Variants in RYR1 observed in about 807,000 individuals in gnomAD.
RYR1 encodes ryanodine receptor 1.
Under a neutral mutation model 583.5 loss-of-function variants are expected in RYR1, and 342 were observed. That is an observed-to-expected ratio of 0.59 (90% CI 0.54 to 0.64). The LOEUF (loss-of-function observed/expected upper bound fraction) is 0.64. RYR1 is among the 30% of genes least tolerant of loss of function. RYR1 has a pLI of 0.00. For missense variants in RYR1, 6,032 were observed against 6,917.2 expected (o/e 0.87, Z 4.54); for synonymous variants, 2,791 against 2,822.5 (o/e 0.99, Z 0.35).
rs370389315 is a variant in RYR1 at position 38,461,573 on chromosome 19, A to G, written c.2577+982A>G. 6.6e-4 allele frequency among the ~76,000 whole-genome samples: 101 copies of G among 152,108 alleles called. 1 individual carries two copies. The South Asian group carries it at 0.019, about 28-fold the overall frequency. ...CAAGACCCCATCTCTACTAAAAATTAAAAGTTAGCTGAGGTGATGGTCCAC... is the reference window on the plus strand; with the variant it reads ...CAAGACCCCATCTCTACTAAAAATTGAAAGTTAGCTGAGGTGATGGTCCAC... On this transcript the variant is annotated intron_variant, in intron 20 of 105. Coordinates refer to ENST00000359596, the MANE Select transcript of RYR1 (RefSeq NM_000540.3).
At position 38,469,310 on chromosome 19, in the gene RYR1, C is replaced by A. The variant is rs868455902; in HGVS notation, c.3562C>A (p.Leu1188Met). Residue 1188 changes from leucine (L) to methionine (M), a missense_variant, in exon 27 of 106, where the codon CTG (leucine) becomes ATG (methionine). Coordinates refer to ENST00000359596, the MANE Select transcript of RYR1 (RefSeq NM_000540.3). ...FREIEIGDGF[L>M]PVCSLGPGQV... ...CATCCATCCCCTCCCACCAGGCTTC[C>A]TGCCCGTCTGCAGCTTGGGACCTGG... is the stretch of plus-strand genomic sequence containing the variant. The A allele has an allele frequency of 6.2e-7, 1 of 1,613,784 alleles. No individual in the cohort carries two copies. Among genetic ancestry groups the A allele is most frequent in the African/African-American group, 1.3e-5 (1 of 74,932 alleles).
Position 38,455,539 on chromosome 19 carries a change from C to T in RYR1, c.1665C>T (p.Ala555=). The part of the protein sequence containing the change: ...WLVSKLDRLE[A]SSGILEVLYC... ...TCAGCAAGCTGGATCGGCTGGAGGCCTCGTCTGGTAGGAGAACCCGGGGGA... is the reference window on the plus strand; with the variant it reads ...TCAGCAAGCTGGATCGGCTGGAGGCTTCGTCTGGTAGGAGAACCCGGGGGA... The change falls in exon 15 of 106, where the codon GCC becomes GCT. Residue 555 remains alanine (A), a synonymous_variant. Coordinates refer to ENST00000359596, the MANE Select transcript of RYR1 (RefSeq NM_000540.3). 6.2e-7 allele frequency: 1 copy of T among 1,614,024 alleles called. No individual in the cohort carries two copies. Among genetic ancestry groups the T allele is most frequent in the Non-Finnish European group, 8.5e-7 (1 of 1,179,992 alleles).
intron 89 of RYR1, among the ~76,000 whole-genome samples, chr19:38,553,685 C>T (rs535895878): frequency 6.6e-6 from 1 of 152,176 alleles, no homozygotes; most frequent in South Asian, 2.1e-4. Context: ...TACAGCAAGG[C>T]GTGAAGTGAG....
Position 38,543,647 on chromosome 19 carries a change from C to A in RYR1, c.11894C>A (p.Thr3965Asn), listed in dbSNP as rs1239411531. Reference protein sequence around the residue: ...SVAKQVFNSLTEYIQGPCTGN... With the variant: ...SVAKQVFNSLNEYIQGPCTGN... The stretch of plus-strand genomic sequence containing the variant: ...GCTAAGCAGGTGTTCAACAGCCTCA[C>A]TGAGTACATCCAGGTAGGGCGCTCC... The change falls in exon 86 of 106, where the codon ACT (threonine) becomes AAT (asparagine). Residue 3965 changes from threonine (T) to asparagine (N), a missense_variant. Around this residue, in one of 11 missense-constraint regions of RYR1, gnomAD observed 82 missense variants for 139.7 expected, o/e 0.59. Transcript: ENST00000359596. The surrounding 1 kb of genome is among the most constrained non-coding windows in gnomAD (Gnocchi z 4.4). 1 of 1,613,910 alleles carries A rather than the reference C, an allele frequency of 6.2e-7. No individual in the cohort carries two copies. Among genetic ancestry groups the A allele is most frequent in the Non-Finnish European group, 8.5e-7 (1 of 1,180,052 alleles).
At chr19:38,545,165 TTGAC>T (rs1193015101) in intron 87 of RYR1, among the ~76,000 whole-genome samples, 4 of 152,152 alleles carry the variant, frequency 2.6e-5, no homozygotes, top group East Asian at 3.9e-4. Context: ...AAAGAAAGCT[TTGAC>T]TGACCAGGCC....
rs563389271 is a variant in RYR1 at position 38,496,111 on chromosome 19, G to A, written c.6549-104G>A. ...AGATCTGTAAAGGCGGTGGTGCTAG[G>A]CACAGAGTGAGAGGGTCAAGAATGC... On this transcript the variant is annotated intron_variant, in intron 39 of 105. Coordinates refer to ENST00000359596, the MANE Select transcript of RYR1 (RefSeq NM_000540.3). The surrounding 1 kb of genome is among the most constrained non-coding windows in gnomAD (Gnocchi z 4.8). 70 of 944,162 alleles carry A rather than the reference G, an allele frequency of 7.4e-5. No individual in the cohort carries two copies. Among genetic ancestry groups the A allele is most frequent in the Admixed American group, 1.3e-4 (7 of 54,610 alleles). The allele number at this position is 944,162 out of a possible 1,614,324, so 58.5% of individuals were successfully genotyped here.
chr19:38,582,524 G>A (rs1389840435), intron 101 of RYR1, among the ~76,000 whole-genome samples: 4 of 151,998 alleles, frequency 2.6e-5, no homozygotes, highest in African/African-American at 4.8e-5. Flanking sequence ...AGTGACTCAC[G>A]CCTGTAATCC....
At position 38,565,162 on chromosome 19, in the gene RYR1, G is replaced by A; in HGVS notation, c.12828G>A (p.Glu4276=). ...CGGAGGCGGGCGCGGAAGGCGCGGA[G>A]GAGGGCGCGGCGGGGCTCGAGGGCA... ...GAAEAGAEGA[E]EGAAGLEGTA... Residue 4276 remains glutamate (E), a synonymous_variant, in exon 91 of 106, where the codon GAG becomes GAA. Coordinates refer to ENST00000359596, the MANE Select transcript of RYR1 (RefSeq NM_000540.3). The surrounding 1 kb of genome is among the most constrained non-coding windows in gnomAD (Gnocchi z 4.7). The A allele has an allele frequency of 6.8e-7, 1 of 1,471,948 alleles. No individual in the cohort carries two copies. The highest frequency in any genetic ancestry group is 2.4e-4 in the Middle Eastern group (1 of 4,140). The allele number at this position is 1,471,948 out of a possible 1,614,324, so 91.2% of individuals were successfully genotyped here.
At chr19:38,578,662 G>T (rs960621390) in intron 99 of RYR1, among the ~76,000 whole-genome samples, 1 of 151,948 alleles carries the variant, frequency 6.6e-6, no homozygotes, top group Non-Finnish European at 1.5e-5. Flanking sequence ...ATGGCAGCAG[G>T]TGCCTGTAAT....
intron 42 of RYR1, among the ~76,000 whole-genome samples, chr19:38,497,586 G>A (rs1408730323): frequency 1.3e-5 from 2 of 152,204 alleles, no homozygotes; most frequent in East Asian, 3.8e-4. Flanking sequence ...TTTGTAAAGG[G>A]GCAGTCAGTA....
chr19:38,475,575 C>G, intron 29 of RYR1, 125 bp downstream of exon 29: 2 of 1,165,586 alleles, frequency 1.7e-6, no homozygotes, highest in Non-Finnish European at 2.5e-6. Context: ...CCAATATACA[C>G]TAGAAACTCA....
At chr19:38,480,422 G>T (rs1431242350) in intron 31 of RYR1, among the ~76,000 whole-genome samples, 3 of 151,986 alleles carry the variant, frequency 2.0e-5, no homozygotes, top group Non-Finnish European at 2.9e-5. Context: ...GGGATGACAG[G>T]TATAAGCCAC....
In RYR1 at chr19:38,528,342, C is replaced by A. The variant is rs781014006; in HGVS notation, c.10861C>A (p.His3621Asn). 7.4e-6 allele frequency: 12 copies of A among 1,614,052 alleles called. No homozygotes were observed. The South Asian group carries it at 1.3e-4, about 18-fold the overall frequency. The change falls in exon 74 of 106, where the codon CAC becomes AAC. Residue 3621 changes from histidine to asparagine, a missense_variant. This residue lies in a region of RYR1 where 1,493 missense variants were observed against 1,715.5 expected (regional missense o/e 0.87). Transcript: ENST00000359596. ...TTACAAGTCTAAGAAGGCCGTGTGG[C>A]ACAAGCTTTTGTCCAAACAGCGCCG... ...HPYKSKKAVW[H>N]KLLSKQRRRA... is the part of the protein sequence containing the mutation.
rs756847004 is a variant in RYR1, at chr19:38,455,252, C to T, written c.1458C>T (p.Val486=). The stretch of plus-strand genomic sequence containing the variant: ...CATCCTAGGGGATGCTCTCCATGGT[C>T]CTGAATTGCATAGACCGCCTAAATG... ...LFQEEGMLSM[V]LNCIDRLNVY... is the part of the protein sequence containing the mutation. Residue 486 remains valine, a synonymous_variant, in exon 14 of 106, where the codon GTC becomes GTT. Coordinates refer to ENST00000359596, the MANE Select transcript of RYR1 (RefSeq NM_000540.3). 3 of 1,614,024 alleles carry T rather than the reference C, an allele frequency of 1.9e-6. No homozygotes were observed. The highest frequency in any genetic ancestry group is 1.1e-5 in the South Asian group (1 of 91,066).
chr19:38,448,900 T>G, intron 11 of RYR1, 87 bp downstream of exon 11: 1 of 1,289,900 alleles, frequency 7.8e-7, no homozygotes, highest in Non-Finnish European at 1.1e-6. Flanking sequence ...CTGGTGATCA[T>G]GCCACTGTAC....
At chr19:38,511,762 C>A in intron 61 of RYR1, 152 bp downstream of exon 61, 2 of 997,104 alleles carry the variant, frequency 2.0e-6, no homozygotes, top group Non-Finnish European at 3.1e-6. Context: ...GGGGGTAGGG[C>A]AGTGACTGAG....
rs201157293 is a variant in RYR1, at chr19:38,578,028, G to A, written c.14283G>A (p.Pro4761=). 106 of 1,613,958 alleles carry A rather than the reference G, an allele frequency of 6.6e-5. No individual in the cohort carries two copies. In the Middle Eastern group the frequency reaches 6.6e-4, roughly 10 times the overall value. The stretch of plus-strand genomic sequence containing the variant: ...CCCACAATGAGCGCAAGCCCAACCC[G>A]CCGCCAGGGCTGCTGACCTGGTGAG... ...ITAHNERKPN[P]PPGLLTWLMS... is the part of the protein sequence containing the mutation. Residue 4761 remains proline, a synonymous_variant, in exon 98 of 106, where the codon CCG becomes CCA. Coordinates refer to ENST00000359596, the MANE Select transcript of RYR1 (RefSeq NM_000540.3).
In RYR1 at chr19:38,452,828, C is replaced by T; in HGVS notation, c.1254C>T (p.Asp418=). 3 of 1,593,726 alleles carry T rather than the reference C, an allele frequency of 1.9e-6. No homozygotes were observed. The highest frequency in any genetic ancestry group is 2.6e-6 in the Non-Finnish European group (3 of 1,170,664). ...TGCGAGGTCCCTGTAGGAGCCTGGA[C>T]AGCTTCAGCGGGAAGCCACGGGGCT... ...GLYNQFIKSL[D]SFSGKPRGSG... is the part of the protein sequence containing the mutation. Residue 418 remains aspartate (D), a synonymous_variant, in exon 13 of 106, where the codon GAC becomes GAT. Transcript: ENST00000359596.
rs780086468 is a variant in RYR1 at position 38,523,208 on chromosome 19, C to A, written c.10348-9C>A. The A allele has an allele frequency of 1.2e-6, 2 of 1,614,240 alleles. No homozygotes were observed. The highest frequency in any genetic ancestry group is 2.2e-5 in the South Asian group (2 of 91,088). ...CCTGTCCGGTCTGCAACACTGCTTC[C>A]CCCACCAGAACTTCAAGCGCGAGGA... On this transcript the variant is annotated splice_polypyrimidine_tract_variant and intron_variant, in intron 68 of 105. Coordinates refer to ENST00000359596, the MANE Select transcript of RYR1 (RefSeq NM_000540.3).
Sources: gnomAD v4.1 joint callset for allele counts (sites outside exome capture counted in the v4.1 genomes callset) on GRCh38, gnomAD v4.1.1 for gene constraint, gnomAD v4.1.1 regional missense constraint, Gnocchi (gnomAD v3.1) non-coding constraint, MANE v1.5 for transcripts, NCBI Gene and HGNC (gene_info 2026-07-23, HGNC 2026-07-21) for gene names.